Variants in SPATA17 observed in about 807,000 individuals in gnomAD.
SPATA17 encodes spermatogenesis associated 17.
Under a neutral mutation model 62.2 loss-of-function variants are expected in SPATA17, and 53 were observed. The observed-to-expected ratio is 0.85, with a 90% CI of 0.68 to 1.07. The LOEUF (loss-of-function observed/expected upper bound fraction) is 1.07, where lower values mean the gene tolerates loss of function less well. Ranked by LOEUF, SPATA17 falls within the 50% of genes least tolerant of loss-of-function variation. SPATA17 has a pLI of 0.00. For missense variants in SPATA17, 466 were observed against 425.5 expected, an observed-to-expected ratio of 1.10 and a Z score of -0.84; for synonymous variants, 146 against 146.8, an observed-to-expected ratio of 0.99 and a Z score of 0.04.
Position 217,643,714 on chromosome 1 carries a change from CTATA to C in SPATA17, c.69-5151_69-5148del, listed in dbSNP as rs67666317. ...AGGAAGAAAAAGAAACTCTCTCTCTCTATATATATATATATATATAATTTTTTTT... is the reference window on the plus strand; with the variant it reads ...AGGAAGAAAAAGAAACTCTCTCTCTCTATATATATATATATAATTTTTTTT... On this transcript the variant is annotated intron_variant, in intron 1 of 10. Transcript: ENST00000366933. Among the ~76,000 whole-genome samples, 568 of 149,080 alleles carry C rather than the reference CTATA, an allele frequency of 3.8e-3. 5 individuals carry two copies. Among genetic ancestry groups the C allele is most frequent in the African/African-American group, 0.013 (532 of 40,418 alleles).
intron 9 of SPATA17, among the ~76,000 whole-genome samples, chr1:217,809,107 TAAGA>T (rs1374391831): frequency 6.6e-6 from 1 of 152,104 alleles, no homozygotes; most frequent in East Asian, 1.9e-4. Context: ...TACTAAACTC[TAAGA>T]AACATTATTT....
In SPATA17 at chr1:217,650,396, T is replaced by TTCTCTCTC. The variant is rs549971243; in HGVS notation, c.159-695_159-688dup. 3.3e-5 allele frequency among the ~76,000 whole-genome samples: 5 copies of TTCTCTCTC among 150,480 alleles called. No individual in the cohort carries two copies. In the East Asian group the frequency reaches 7.7e-4, roughly 23 times the overall value. Reference sequence around the variant, plus strand: ...ACTATTTCTTAACCTCATGAATTCTTTCTCTCTCTCTCTTTCTCTCTTTCT... The same window carrying TTCTCTCTC: ...ACTATTTCTTAACCTCATGAATTCTTTCTCTCTCTCTCTCTCTCTCTTTCTCTCTTTCT... On this transcript the variant is annotated intron_variant, in intron 2 of 10. Coordinates refer to ENST00000366933, the MANE Select transcript of SPATA17 (RefSeq NM_138796.4).
intron 8 of SPATA17, among the ~76,000 whole-genome samples, chr1:217,798,209 G>A (rs546867168): frequency 1.3e-5 from 2 of 152,180 alleles, no homozygotes; most frequent in Admixed American, 1.3e-4. Context: ...AGAAATAATA[G>A]CATCTTACAG....
At chr1:217,837,040 G>A (rs572138578) in intron 9 of SPATA17, among the ~76,000 whole-genome samples, 1 of 152,086 alleles carries the variant, frequency 6.6e-6, no homozygotes, top group East Asian at 1.9e-4. Flanking sequence ...CTTCCCCACA[G>A]TGCAGTACCC....
chr1:217,686,145 C>T (rs1335167381), intron 5 of SPATA17, among the ~76,000 whole-genome samples: 4 of 152,066 alleles, frequency 2.6e-5, no homozygotes, highest in East Asian at 3.9e-4. Flanking sequence ...ATTGTCAGAT[C>T]CTAGTGTCAG....
intron 9 of SPATA17, among the ~76,000 whole-genome samples, chr1:217,815,167 T>A (rs1397654152): frequency 1.3e-5 from 2 of 152,170 alleles, no homozygotes; most frequent in Non-Finnish European, 2.9e-5. Flanking sequence ...TGGTCTTGAT[T>A]TGACTCAGAC....
intron 8 of SPATA17, among the ~76,000 whole-genome samples, chr1:217,797,825 T>C (rs185281551): frequency 2.4e-4 from 36 of 152,302 alleles, no homozygotes; most frequent in African/African-American, 8.4e-4. Context: ...TTTTCTATTC[T>C]TATTTTCTTC....
chr1:217,700,768 T>TC (rs1671578702), intron 5 of SPATA17, among the ~76,000 whole-genome samples: 1 of 149,200 alleles, frequency 6.7e-6, no homozygotes, highest in Non-Finnish European at 1.5e-5. Context: ...TTTTCTTTTT[T>TC]TTTTTTTTTG....
intron 9 of SPATA17, among the ~76,000 whole-genome samples, chr1:217,843,802 G>C (rs1675465040): frequency 6.6e-6 from 1 of 152,132 alleles, no homozygotes; most frequent in African/African-American, 2.4e-5. Context: ...CCTGCAAGCT[G>C]TGGTTTTCTA....
intron 9 of SPATA17, among the ~76,000 whole-genome samples, chr1:217,855,461 A>T (rs1675759714): frequency 6.6e-6 from 1 of 152,192 alleles, no homozygotes; most frequent in African/African-American, 2.4e-5. Flanking sequence ...GTAATTAAAT[A>T]GTTGAAACCA....
At chr1:217,687,236 T>A (rs1424485490) in intron 5 of SPATA17, among the ~76,000 whole-genome samples, 4 of 152,174 alleles carry the variant, frequency 2.6e-5, no homozygotes, top group African/African-American at 9.7e-5. Flanking sequence ...TATATTTTTA[T>A]ATATAATGTT....
chr1:217,663,806 GTTGA>G (rs1416679791), intron 3 of SPATA17, among the ~76,000 whole-genome samples: 5 of 151,996 alleles, frequency 3.3e-5, no homozygotes, highest in Admixed American at 2.6e-4. Flanking sequence ...ACTTGAAATG[GTTGA>G]TTATTTCATC....
chr1:217,789,068 A>G (rs904377881), intron 8 of SPATA17, among the ~76,000 whole-genome samples: 7 of 152,180 alleles, frequency 4.6e-5, no homozygotes, highest in Non-Finnish European at 8.8e-5. Context: ...GAGTTTCCCT[A>G]TGAAGAGGAG....
At chr1:217,837,360 A>G (rs926763599) in intron 9 of SPATA17, among the ~76,000 whole-genome samples, 25 of 152,138 alleles carry the variant, frequency 1.6e-4, no homozygotes, top group African/African-American at 6.0e-4. Context: ...GTACTAAACA[A>G]TCAGAATGGA....
At chr1:217,807,568 C>T (rs1251280022) in intron 9 of SPATA17, among the ~76,000 whole-genome samples, 3 of 151,928 alleles carry the variant, frequency 2.0e-5, no homozygotes, top group Non-Finnish European at 4.4e-5. Context: ...ATATCTATAG[C>T]TTTTTAATTT....
intron 4 of SPATA17, among the ~76,000 whole-genome samples, chr1:217,681,440 C>T (rs942794806): frequency 1.3e-5 from 2 of 151,788 alleles, no homozygotes; most frequent in African/African-American, 2.4e-5. Flanking sequence ...GTGGTGCAAT[C>T]TCGGCTCACT....
intron 6 of SPATA17, among the ~76,000 whole-genome samples, chr1:217,748,373 T>G (rs1672817947): frequency 6.6e-6 from 1 of 152,062 alleles, no homozygotes; most frequent in African/African-American, 2.4e-5. Flanking sequence ...AAAAACAGTT[T>G]TATAAGACAA....
intron 1 of SPATA17, among the ~76,000 whole-genome samples, chr1:217,639,667 C>T (rs546850721): frequency 6.6e-6 from 1 of 152,144 alleles, no homozygotes; most frequent in Non-Finnish European, 1.5e-5. Context: ...ACTTTAATGT[C>T]CTTTCTAGAT....
intron 9 of SPATA17, among the ~76,000 whole-genome samples, chr1:217,810,035 T>G (rs1185663345): frequency 1.3e-5 from 2 of 152,212 alleles, no homozygotes; most frequent in Non-Finnish European, 2.9e-5. Context: ...TATAAATGAC[T>G]TGTGACATTA....
Sources: allele counts gnomAD v4.1 joint callset (sites outside exome capture counted in the v4.1 genomes callset), GRCh38; gene constraint gnomAD v4.1.1; transcripts MANE v1.5; gene names NCBI Gene and HGNC (gene_info 2026-07-23, HGNC 2026-07-21).